Variants in TTC12 observed in about 807,000 individuals in gnomAD.
TTC12 encodes the protein tetratricopeptide repeat protein 12.
In TTC12, 70 loss-of-function variants were observed where a neutral mutation model predicts 90.1. The ratio of observed to expected loss-of-function variants is 0.78; its 90% CI spans 0.64 to 0.95. The LOEUF (loss-of-function observed/expected upper bound fraction) is 0.95, where lower values mean the gene tolerates loss of function less well. TTC12 is among the 40% of genes least tolerant of loss of function. TTC12 has a pLI of 0.00. For missense variants in TTC12, 819 were observed against 846.1 expected (o/e 0.97, Z 0.40); for synonymous variants, 296 against 311.5 (o/e 0.95, Z 0.53).
At chr11:113,342,053 C>T in intron 12 of TTC12, 128 bp downstream of exon 12, 1 of 766,050 alleles carries the variant, frequency 1.3e-6, no homozygotes, top group South Asian at 1.5e-5. Flanking sequence ...CACACACCCA[C>T]TCCCTCCAGG....
intron 8 of TTC12, among the ~76,000 whole-genome samples, chr11:113,336,361 C>A (rs574580946): frequency 1.3e-5 from 2 of 152,008 alleles, no homozygotes; most frequent in Non-Finnish European, 2.9e-5. Context: ...ATGTTCTTTG[C>A]GGCACAAAAA....
chr11:113,336,639 C>A (rs576736202), intron 8 of TTC12, among the ~76,000 whole-genome samples: 17 of 152,094 alleles, frequency 1.1e-4, no homozygotes, highest in Non-Finnish European at 2.1e-4. Context: ...GATTTTGGCA[C>A]CCTTGTCAAA....
At chr11:113,342,903 G>A (rs1461521581) in intron 12 of TTC12, among the ~76,000 whole-genome samples, 1 of 152,138 alleles carries the variant, frequency 6.6e-6, no homozygotes, top group African/African-American at 2.4e-5. Flanking sequence ...CTTGGCAATG[G>A]TATGTCTACT....
chr11:113,364,770 C>A lies in TTC12; in HGVS notation c.1817-65C>A. ...TGACATCTCCCTGCACCCCTCATGT[C>A]CTGTTGCCAGCCTCCTATTTTGGGA... On this transcript the variant is annotated intron_variant, in intron 20 of 21. Transcript: ENST00000529221. The A allele has an allele frequency of 2.9e-6, 4 of 1,378,464 alleles. No homozygotes were observed. In the South Asian group the frequency reaches 4.8e-5, roughly 16 times the overall value. The allele number at this position is 1,378,464 out of a possible 1,614,324, so 85.4% of individuals were successfully genotyped here.
At chr11:113,339,194 A>G (rs541353078) in intron 9 of TTC12, 92 bp from the exon 10 acceptor site, 161 of 1,066,504 alleles carry the variant, frequency 1.5e-4, no homozygotes, top group Non-Finnish European at 2.1e-4. Flanking sequence ...TCAAACTCCC[A>G]TCCTCAAAAG....
At chr11:113,365,396 C>G (rs1182434192) in intron 21 of TTC12, 4 of 268,102 alleles carry the variant, frequency 1.5e-5, no homozygotes, top group Non-Finnish European at 2.2e-5. Context: ...CTCCCTCCCA[C>G]TCCACCTCCC....
chr11:113,336,665 A>C (rs1401760254), intron 8 of TTC12, among the ~76,000 whole-genome samples: 4 of 152,120 alleles, frequency 2.6e-5, no homozygotes, highest in African/African-American at 9.7e-5. Context: ...ATTGACCATA[A>C]ATATATGGGT....
chr11:113,365,150 C>T (rs1950141954), intron 21 of TTC12, 90 bp downstream of exon 21: 4 of 1,164,782 alleles, frequency 3.4e-6, no homozygotes, highest in Admixed American at 3.8e-5. Context: ...GCATGCCACA[C>T]AGAACAGTGT....
chr11:113,324,742 A>G, intron 5 of TTC12, 60 bp downstream of exon 5: 1 of 1,450,796 alleles, frequency 6.9e-7, no homozygotes, highest in Non-Finnish European at 9.6e-7. Flanking sequence ...AGAGCACACG[A>G]AGGCCTGTAT....
chr11:113,359,542 C>T (rs782084461), intron 17 of TTC12, 81 bp downstream of exon 17: 54 of 955,302 alleles, frequency 5.7e-5, no homozygotes, highest in Admixed American at 4.3e-4. Context: ...CTCATGTTCA[C>T]GAAGAGACAG....
Position 113,360,020 on chromosome 11 carries a change from C to A in TTC12, c.1614+12C>A. 1.3e-6 allele frequency: 2 copies of A among 1,561,500 alleles called. No homozygotes were observed. Among genetic ancestry groups the A allele is most frequent in the Non-Finnish European group, 1.7e-6 (2 of 1,146,054 alleles). Reference sequence around the variant, plus strand: ...GAGGAATCCTGACAGTAAGTTTCTCCCAGGGAAATCCAGAAGCAGCTTCCA... The same window carrying A: ...GAGGAATCCTGACAGTAAGTTTCTCACAGGGAAATCCAGAAGCAGCTTCCA... On this transcript the variant is annotated intron_variant, in intron 18 of 21. Coordinates refer to ENST00000529221, the MANE Select transcript of TTC12 (RefSeq NM_017868.4).
Position 113,359,982 on chromosome 11 carries a change from A to C in TTC12, c.1588A>C (p.Asn530His), listed in dbSNP as rs142252122. ...GAGCAGAAGGTGCCTGTCTTTACTA[A>C]ACAGCCAGGATGGAGGAATCCTGAC... ...EVSRRCLSLL[N>H]SQDGGILTRA... The change falls in exon 18 of 22, where the codon AAC becomes CAC. Residue 530 changes from asparagine to histidine, a missense_variant. Transcript: ENST00000529221. 1,559 of 1,600,360 alleles carry C rather than the reference A, an allele frequency of 9.7e-4. 7 individuals are homozygous for C. In the African/African-American group the frequency reaches 0.011, roughly 11 times the overall value.
At chr11:113,357,817 G>A (rs1416164133) in intron 16 of TTC12, among the ~76,000 whole-genome samples, 2 of 152,304 alleles carry the variant, frequency 1.3e-5, no homozygotes, top group South Asian at 2.1e-4. Context: ...GGGAGCCAAG[G>A]TGATCCCGAA....
intron 13 of TTC12, among the ~76,000 whole-genome samples, chr11:113,345,897 G>A (rs781895152): frequency 3.9e-5 from 6 of 151,946 alleles, no homozygotes; most frequent in Non-Finnish European, 5.9e-5. Context: ...GGAGAGTGGC[G>A]TTCATGATCA....
At chr11:113,356,850 C>T (rs549233488) in intron 16 of TTC12, among the ~76,000 whole-genome samples, 2 of 151,674 alleles carry the variant, frequency 1.3e-5, no homozygotes, top group South Asian at 4.2e-4. Flanking sequence ...TCTCTAGTTG[C>T]CTTTAATATT....
chr11:113,319,081 G>T (rs1366408003), intron 2 of TTC12, among the ~76,000 whole-genome samples: 1 of 152,154 alleles, frequency 6.6e-6, no homozygotes, highest in Non-Finnish European at 1.5e-5. Context: ...GAAAAGGTTG[G>T]CAAACACAAT....
At chr11:113,335,802 T>C (rs563209297) in intron 8 of TTC12, among the ~76,000 whole-genome samples, 1 of 152,358 alleles carries the variant, frequency 6.6e-6, no homozygotes, top group Admixed American at 6.5e-5. Flanking sequence ...TTTGATACCA[T>C]ATTTTATTTA....
downstream of TTC12, chr11:113,371,290 A>G (rs774046044): frequency 1.3e-5 from 2 of 152,222 alleles, no homozygotes; most frequent in African/African-American, 4.8e-5. Flanking sequence ...TATACTTTAA[A>G]TCATCTCTAG....
intron 8 of TTC12, among the ~76,000 whole-genome samples, chr11:113,336,802 A>G (rs372776944): frequency 1.3e-5 from 2 of 152,062 alleles, no homozygotes; most frequent in Non-Finnish European, 2.9e-5. Flanking sequence ...TTGTTCCTCT[A>G]CTTTTTCAAG....
Sources: gnomAD v4.1 joint callset for allele counts (sites outside exome capture counted in the v4.1 genomes callset) on GRCh38, gnomAD v4.1.1 for gene constraint, MANE v1.5 for transcripts, NCBI Gene and HGNC (gene_info 2026-07-23, HGNC 2026-07-21) for gene names.